CSMD1: variants seen among roughly 807,000 people sequenced by gnomAD.
CSMD1 encodes CUB and sushi domain-containing protein 1.
In CSMD1, 213 loss-of-function variants were observed where a neutral mutation model predicts 417.5. The observed-to-expected ratio is 0.51, with a 90% CI of 0.46 to 0.57. The LOEUF (loss-of-function observed/expected upper bound fraction) is 0.57, where lower values mean the gene tolerates loss of function less well. Among genes scored for constraint, CSMD1 ranks in the 20% least tolerant of loss-of-function variants. CSMD1 has a pLI of 0.00. For missense variants in CSMD1, 6,923 were observed against 4,529.7 expected, an observed-to-expected ratio of 1.53 and a Z score of -15.17; for synonymous variants, 2,862 against 1,736.8, an observed-to-expected ratio of 1.65 and a Z score of -16.11.
intron 5 of CSMD1, among the ~76,000 whole-genome samples, chr8:3,910,441 G>A (rs1194623164): frequency 2.0e-5 from 3 of 152,122 alleles, no homozygotes; most frequent in South Asian, 4.2e-4. Context: ...ATAAAATCAC[G>A]AAATTTAAGT....
intron 1 of CSMD1, among the ~76,000 whole-genome samples, chr8:4,912,135 A>AAAAAGAAAAAAAG (rs1554518067): frequency 1.0e-4 from 12 of 115,666 alleles, no homozygotes; most frequent in South Asian, 5.8e-4. Flanking sequence ...AAAAAAAAAA[A>AAAAAGAAAAAAAG]AAAAAAGAAA....
At chr8:4,990,734 C>T (rs201971863) in intron 1 of CSMD1, among the ~76,000 whole-genome samples, 1 of 152,008 alleles carries the variant, frequency 6.6e-6, no homozygotes, top group Admixed American at 6.6e-5. Context: ...CTGGCTTCAT[C>T]AGGAGGAAGG....
chr8:3,531,149 C>G (rs915286622), intron 10 of CSMD1, among the ~76,000 whole-genome samples: 1 of 152,248 alleles, frequency 6.6e-6, no homozygotes, highest in South Asian at 2.1e-4. Flanking sequence ...GTGTGAGCCA[C>G]CACACCTGGC....
intron 3 of CSMD1, among the ~76,000 whole-genome samples, chr8:4,361,616 C>G (rs1801770052): frequency 6.6e-6 from 1 of 152,196 alleles, no homozygotes; most frequent in African/African-American, 2.4e-5. Flanking sequence ...TCCCAACTCT[C>G]TGCTTTGCTG....
intron 3 of CSMD1, among the ~76,000 whole-genome samples, chr8:4,107,542 T>G (rs902083513): frequency 6.6e-6 from 1 of 152,210 alleles, no homozygotes; most frequent in Non-Finnish European, 1.5e-5. Context: ...GGCTAATTTT[T>G]AAGCTACAAA....
chr8:4,131,498 T>A (rs1208484043), intron 3 of CSMD1, among the ~76,000 whole-genome samples: 2 of 152,222 alleles, frequency 1.3e-5, no homozygotes, highest in African/African-American at 4.8e-5. Flanking sequence ...ATTTTCCCCT[T>A]GGATATTCAC....
chr8:4,812,911 G>A lies in CSMD1; in HGVS notation c.86-175353C>T, dbSNP rs181537673. On this transcript the variant is annotated intron_variant, in intron 1 of 69. Coordinates refer to ENST00000635120, the MANE Select transcript of CSMD1 (RefSeq NM_033225.6). ...GAAACAGGTAATATTGCTTGTATCA[G>A]TTTATAGCAACACTAAATCATGCAT... 2.3e-3 allele frequency among the ~76,000 whole-genome samples: 347 copies of A among 152,170 alleles called. 1 individual carries two copies. Among genetic ancestry groups the A allele is most frequent in the African/African-American group, 7.9e-3 (329 of 41,520 alleles).
chr8:4,468,718 A>G (rs1387297645), intron 2 of CSMD1, among the ~76,000 whole-genome samples: 4 of 152,158 alleles, frequency 2.6e-5, no homozygotes, highest in Admixed American at 2.0e-4. Flanking sequence ...ATTCAAAAAC[A>G]TTGCTTAGGG....
chr8:4,427,359 G>T (rs932398938), intron 2 of CSMD1, among the ~76,000 whole-genome samples: 6 of 152,140 alleles, frequency 3.9e-5, no homozygotes, highest in Non-Finnish European at 5.9e-5. Context: ...GGACACGGCA[G>T]AGGGTGATCT....
chr8:3,548,618 C>G (rs1798775839), intron 10 of CSMD1, among the ~76,000 whole-genome samples: 1 of 150,194 alleles, frequency 6.7e-6, no homozygotes, highest in East Asian at 2.0e-4. Context: ...CTATGAATGC[C>G]ATTAATTCAA....
chr8:3,752,114 C>G (rs181118615), intron 6 of CSMD1, among the ~76,000 whole-genome samples: 7 of 152,272 alleles, frequency 4.6e-5, no homozygotes, highest in Admixed American at 3.3e-4. Context: ...GCCAACACGT[C>G]CATCCCACCT....
intron 50 of CSMD1, among the ~76,000 whole-genome samples, chr8:3,041,892 G>A (rs1353390653): frequency 1.3e-5 from 2 of 152,142 alleles, no homozygotes; most frequent in African/African-American, 2.4e-5. Context: ...TCACGCAAAC[G>A]TTATGCTCAT....
chr8:3,648,106 C>T (rs1461566647), intron 7 of CSMD1, among the ~76,000 whole-genome samples: 1 of 152,184 alleles, frequency 6.6e-6, no homozygotes, highest in Non-Finnish European at 1.5e-5. Context: ...AAGGAGGTGT[C>T]TCCTAAAAAC....
intron 3 of CSMD1, among the ~76,000 whole-genome samples, chr8:4,173,902 A>C (rs2131147674): frequency 6.6e-6 from 1 of 152,266 alleles, no homozygotes; most frequent in Middle Eastern, 3.4e-3. Flanking sequence ...TTCTGGGCTC[A>C]GTACACATGG....
intron 3 of CSMD1, among the ~76,000 whole-genome samples, chr8:4,041,269 G>T (rs111594729): frequency 6.9e-6 from 1 of 145,376 alleles, no homozygotes; most frequent in African/African-American, 2.6e-5. Context: ...CGCCCGCCTC[G>T]GCCTCCCAAA....
chr8:4,794,789 T>A (rs1797885428), intron 1 of CSMD1, among the ~76,000 whole-genome samples: 1 of 152,114 alleles, frequency 6.6e-6, no homozygotes, highest in Non-Finnish European at 1.5e-5. Context: ...GACTCTGAAG[T>A]AGTTTGAATA....
intron 39 of CSMD1, among the ~76,000 whole-genome samples, chr8:3,151,799 AC>A (rs1470504782): frequency 6.6e-6 from 1 of 152,228 alleles, no homozygotes; most frequent in Non-Finnish European, 1.5e-5. Flanking sequence ...TGTTTGCGTC[AC>A]AGTCAGGCAT....
intron 3 of CSMD1, among the ~76,000 whole-genome samples, chr8:4,344,857 T>C (rs2128897096): frequency 6.6e-6 from 1 of 152,230 alleles, no homozygotes; most frequent in South Asian, 2.1e-4. Flanking sequence ...CCTTTAAAAA[T>C]ATTTACCTAG....
intron 7 of CSMD1, among the ~76,000 whole-genome samples, chr8:3,706,895 T>TC (rs1169385069): frequency 6.6e-6 from 1 of 152,242 alleles, no homozygotes; most frequent in Non-Finnish European, 1.5e-5. Context: ...CAGATTTTTT[T>TC]CCCTTCAGTT....
Sources: gnomAD v4.1 joint callset for allele counts (sites outside exome capture counted in the v4.1 genomes callset) on GRCh38, gnomAD v4.1.1 for gene constraint, MANE v1.5 for transcripts, NCBI Gene and HGNC (gene_info 2026-07-23, HGNC 2026-07-21) for gene names.